Variants in RNF19A observed in about 807,000 individuals in gnomAD.
The protein encoded by RNF19A is ring finger protein 19A, RBR E3 ubiquitin protein ligase, also known as E3 ubiquitin-protein ligase RNF19A.
A neutral mutation model predicts 75.7 loss-of-function variants in RNF19A; 32 were observed. The observed-to-expected ratio is 0.42, with a 90% CI of 0.32 to 0.57. RNF19A has a LOEUF of 0.57. Ranked by LOEUF, RNF19A falls within the 20% of genes least tolerant of loss-of-function variation. The pLI is 0.10. For synonymous variants in RNF19A, 335 were observed against 345.2 expected (o/e 0.97, Z 0.33); for missense variants, 782 against 1,036.3 (o/e 0.75, Z 3.37).
intron 2 of RNF19A, among the ~76,000 whole-genome samples, chr8:100,281,476 ACTATTGATAAC>A (rs1820780726): frequency 6.6e-6 from 1 of 152,190 alleles, no homozygotes; most frequent in Admixed American, 6.5e-5. Flanking sequence ...TATAAATTAT[ACTATTGATAAC>A]ATCAAGCAAG....
Position 100,331,132 on chromosome 8 carries a change from G to A in RNF19A, c.-243+4976C>T, listed in dbSNP as rs1822605379. ...GCACATCCCATATGGGTCAGGTGCT[G>A]GGCAATTCAATAAGAAAGACAACAT... On this transcript the variant is annotated intron_variant, in intron 1 of 3. Coordinates refer to the RNF19A transcript ENST00000519527. The surrounding 1 kb of genome is among the most constrained non-coding windows in gnomAD (Gnocchi z 5.2). 6.6e-6 allele frequency among the ~76,000 whole-genome samples: 1 copy of A among 152,114 alleles called. No individual in the cohort carries two copies. Among genetic ancestry groups the A allele is most frequent in the South Asian group, 2.1e-4 (1 of 4,830 alleles).
chr8:100,302,046 A>AGCAAG (rs1217183258), intron 1 of RNF19A, among the ~76,000 whole-genome samples: 4 of 152,224 alleles, frequency 2.6e-5, no homozygotes, highest in African/African-American at 9.6e-5. Context: ...AAAATTAATG[A>AGCAAG]GCAAGGCAAA....
At chr8:100,294,479 G>T (rs1821454563) in intron 1 of RNF19A, among the ~76,000 whole-genome samples, 1 of 152,112 alleles carries the variant, frequency 6.6e-6, no homozygotes, top group African/African-American at 2.4e-5. Flanking sequence ...AGTTCTAGGG[G>T]ACATCTAGAT....
At chr8:100,293,050 C>G (rs2130025398) in intron 1 of RNF19A, among the ~76,000 whole-genome samples, 2 of 152,284 alleles carry the variant, frequency 1.3e-5, no homozygotes, top group Middle Eastern at 6.8e-3. Flanking sequence ...ATCTAGATCC[C>G]TCGAGTGCAG....
At chr8:100,305,236 C>T (rs764805929) in intron 1 of RNF19A, among the ~76,000 whole-genome samples, 53 of 152,282 alleles carry the variant, frequency 3.5e-4, no homozygotes, top group East Asian at 1.9e-4. Flanking sequence ...AAGACAGTAA[C>T]GCGCAAAGTC....
chr8:100,264,811 G>T lies in RNF19A; in HGVS notation c.1192-26C>A. Reference sequence around the variant, plus strand: ...CTTGAATTAATAAAAATAGGGGTGGGGGATTAAAGAGAAAATACATTACAA... The same window carrying T: ...CTTGAATTAATAAAAATAGGGGTGGTGGATTAAAGAGAAAATACATTACAA... On this transcript the variant is annotated intron_variant, in intron 5 of 9. Coordinates refer to ENST00000341084, the MANE Select transcript of RNF19A (RefSeq NM_183419.4). This position sits in a 1 kb window ranked among gnomAD's most constrained non-coding sequence, Gnocchi z 4.7. 6.8e-7 allele frequency: 1 copy of T among 1,478,458 alleles called. No individual in the cohort carries two copies. The highest frequency in any genetic ancestry group is 1.4e-5 in the African/African-American group (1 of 72,220). The allele number at this position is 1,478,458 out of a possible 1,614,324, so 91.6% of individuals were successfully genotyped here.
At chr8:100,292,435 G>GGTGT (rs1554671903) in intron 1 of RNF19A, among the ~76,000 whole-genome samples, 5,790 of 145,378 alleles carry the variant, frequency 0.04, 147 homozygotes, top group East Asian at 0.095. Flanking sequence ...CTATCATATG[G>GGTGT]GTGTGTGTGT....
chr8:100,258,788 T>A lies in RNF19A; in HGVS notation c.2285A>T (p.Glu762Val), dbSNP rs774770215. Residue 762 changes from glutamate to valine, a missense_variant, in exon 10 of 10, where the codon GAG becomes GTG. By Grantham distance (121) the Glu-to-Val change is moderately radical (BLOSUM62 -2). Around this residue, in one of 7 missense-constraint regions of RNF19A, gnomAD observed 442 missense variants for 541.6 expected, o/e 0.82. Coordinates refer to ENST00000341084, the MANE Select transcript of RNF19A (RefSeq NM_183419.4). This position sits in a 1 kb window ranked among gnomAD's most constrained non-coding sequence, Gnocchi z 4.3. ...ATTTTCCAGACGGTCATTTTCTACC[T>A]CAGGAAGAATGTTAACAGTAGCAAA... ...TRFATVNILP[E>V]VENDRLENSP... is the part of the protein sequence containing the mutation. 3.1e-6 allele frequency: 5 copies of A among 1,614,070 alleles called. No homozygotes were observed. The highest frequency in any genetic ancestry group is 4.2e-6 in the Non-Finnish European group (5 of 1,180,032).
chr8:100,294,275 T>C (rs1226141472), intron 1 of RNF19A, among the ~76,000 whole-genome samples: 1 of 152,242 alleles, frequency 6.6e-6, no homozygotes, highest in Non-Finnish European at 1.5e-5. Flanking sequence ...CTTGAACTTC[T>C]GAAAGCTTGG....
chr8:100,293,057 G>A (rs1821383185), intron 1 of RNF19A, among the ~76,000 whole-genome samples: 1 of 152,174 alleles, frequency 6.6e-6, no homozygotes, highest in Non-Finnish European at 1.5e-5. Flanking sequence ...TCCCTCGAGT[G>A]CAGTTCGCAA....
intron 2 of RNF19A, among the ~76,000 whole-genome samples, chr8:100,278,820 CAAG>C (rs1222627462): frequency 6.6e-6 from 1 of 151,874 alleles, no homozygotes; most frequent in Non-Finnish European, 1.5e-5. Flanking sequence ...TTCTTCTTGA[CAAG>C]AAGAATTAAA....
In RNF19A at chr8:100,329,936, T is replaced by C. The variant is rs1382449775; in HGVS notation, c.-243+6172A>G. On this transcript the variant is annotated intron_variant, in intron 1 of 3. Coordinates refer to the RNF19A transcript ENST00000519527. The surrounding 1 kb of genome is among the most constrained non-coding windows in gnomAD (Gnocchi z 4.3). ...TGAAAAATTTAAATACTTTCCAAAA[T>C]CATGAACTATCTATTACTGAATATG... is the stretch of plus-strand genomic sequence containing the variant. 6.6e-6 allele frequency among the ~76,000 whole-genome samples: 1 copy of C among 152,178 alleles called. No homozygotes were observed. The highest frequency in any genetic ancestry group is 1.9e-4 in the East Asian group (1 of 5,204).
Position 100,261,243 on chromosome 8 carries a change from T to G in RNF19A, c.1682+299A>C, listed in dbSNP as rs73282709. On this transcript the variant is annotated intron_variant, in intron 8 of 9. Transcript: ENST00000341084. The surrounding 1 kb of genome is among the most constrained non-coding windows in gnomAD (Gnocchi z 4.4). The stretch of plus-strand genomic sequence containing the variant: ...CCGACCAGCTGGGACTACAGGTGCA[T>G]GCCACCAAATCCGGCTAATTTTTTA... 5.2e-3 allele frequency among the ~76,000 whole-genome samples: 787 copies of G among 152,100 alleles called. 10 individuals carry two copies. The highest frequency in any genetic ancestry group is 0.019 in the African/African-American group (770 of 41,488).
At chr8:100,318,959 C>T (rs1358054712) in intron 1 of RNF19A, among the ~76,000 whole-genome samples, 1 of 152,216 alleles carries the variant, frequency 6.6e-6, no homozygotes, top group Admixed American at 6.5e-5. Context: ...AGAGCAATCC[C>T]CAGGCAACTG....
intron 1 of RNF19A, among the ~76,000 whole-genome samples, chr8:100,305,341 T>C (rs918981767): frequency 1.6e-4 from 25 of 152,202 alleles, no homozygotes; most frequent in African/African-American, 5.6e-4. Context: ...CAATTCTGTA[T>C]TTGGCCTCAA....
At position 100,264,008 on chromosome 8, in the gene RNF19A, T is replaced by C. The variant is rs941320963; in HGVS notation, c.1468+26A>G. 6.3e-7 allele frequency: 1 copy of C among 1,598,562 alleles called. No individual in the cohort carries two copies. Among genetic ancestry groups the C allele is most frequent in the Non-Finnish European group, 8.5e-7 (1 of 1,170,210 alleles). On this transcript the variant is annotated intron_variant, in intron 7 of 9. Transcript: ENST00000341084. The surrounding 1 kb of genome is among the most constrained non-coding windows in gnomAD (Gnocchi z 4.7). ...CTACTTACACTGTTAATAAGCACATTTTCTTCCTTTGCTTAAAGGACTTAC... is the reference window on the plus strand; with the variant it reads ...CTACTTACACTGTTAATAAGCACATCTTCTTCCTTTGCTTAAAGGACTTAC...
At chr8:100,309,131 T>C (rs1363667345) in intron 1 of RNF19A, among the ~76,000 whole-genome samples, 1 of 152,116 alleles carries the variant, frequency 6.6e-6, no homozygotes, top group Admixed American at 6.5e-5. Flanking sequence ...AAATTCAAAG[T>C]AGTAGTATTA....
intron 2 of RNF19A, among the ~76,000 whole-genome samples, chr8:100,280,696 TC>T (rs1253987092): frequency 6.6e-6 from 1 of 152,234 alleles, no homozygotes; most frequent in Non-Finnish European, 1.5e-5. Flanking sequence ...ATTGAGTGCT[TC>T]CTATGTAGGT....
intron 3 of RNF19A, 141 bp from the exon 4 acceptor site, chr8:100,270,154 T>C (rs1563838688): frequency 5.4e-6 from 3 of 560,174 alleles, no homozygotes; most frequent in African/African-American, 3.9e-5. Context: ...GTTTTTAGTA[T>C]ATAAAGCATT....
Sources: gnomAD v4.1 joint callset for allele counts (sites outside exome capture counted in the v4.1 genomes callset) on GRCh38, gnomAD v4.1.1 for gene constraint, gnomAD v4.1.1 regional missense constraint, Gnocchi (gnomAD v3.1) non-coding constraint, MANE v1.5 for transcripts, NCBI Gene and HGNC (gene_info 2026-07-23, HGNC 2026-07-21) for gene names.